GALNT13: variants seen among roughly 807,000 people sequenced by gnomAD.
The protein encoded by GALNT13 is UDP-GalNAc:polypeptide N-acetylgalactosaminyltransferase 13.
Under a neutral mutation model 64.2 loss-of-function variants are expected in GALNT13, and 28 were observed. That is an observed-to-expected ratio of 0.44 (90% CI 0.32 to 0.60). The LOEUF (loss-of-function observed/expected upper bound fraction) is 0.60. GALNT13 is among the 20% of genes least tolerant of loss of function. The pLI, the probability that GALNT13 is intolerant of heterozygous loss-of-function variation, is 0.05. For missense variants in GALNT13, 577 were observed against 669.8 expected (o/e 0.86, Z 1.53); for synonymous variants, 214 against 224.6 (o/e 0.95, Z 0.42).
chr2:154,398,213 G>A (rs1192706095), intron 10 of GALNT13, among the ~76,000 whole-genome samples: 5 of 152,074 alleles, frequency 3.3e-5, no homozygotes, highest in Non-Finnish European at 7.4e-5. Context: ...GTTGTCAGTG[G>A]ACCCAAATCA....
At chr2:153,345,828 C>T in the GALNT13 span, among the ~76,000 whole-genome samples, 7 of 148,840 alleles carry the variant, frequency 4.7e-5, no homozygotes, top group Non-Finnish European at 8.9e-5. Context: ...CAGGGTTTTG[C>T]CTTGTGGCCC....
intron 11 of GALNT13, among the ~76,000 whole-genome samples, chr2:154,426,315 C>G (rs62172355): frequency 0.052 from 7,975 of 152,270 alleles, 256 homozygotes; most frequent in Middle Eastern, 0.089. Context: ...CATCTTCAGG[C>G]CAGCAGGAGA....
intron 3 of GALNT13, among the ~76,000 whole-genome samples, chr2:154,033,150 A>AC (rs1698448320): frequency 6.6e-6 from 1 of 151,852 alleles, no homozygotes; most frequent in South Asian, 2.1e-4. Flanking sequence ...ATGAACATAG[A>AC]CCCATGATTC....
the GALNT13 span, among the ~76,000 whole-genome samples, chr2:153,371,564 A>G: frequency 6.6e-6 from 1 of 152,226 alleles, no homozygotes; most frequent in Non-Finnish European, 1.5e-5. Context: ...ATGATACCAT[A>G]ATAAACATGT....
At chr2:153,708,516 T>C in the GALNT13 span, among the ~76,000 whole-genome samples, 1 of 152,180 alleles carries the variant, frequency 6.6e-6, no homozygotes, top group East Asian at 1.9e-4. Flanking sequence ...CTTTAAACTT[T>C]ATCAGGTGAA....
At chr2:153,081,093 G>A in the GALNT13 span, among the ~76,000 whole-genome samples, 1 of 151,920 alleles carries the variant, frequency 6.6e-6, no homozygotes, top group African/African-American at 2.4e-5. Context: ...GATGATCTGA[G>A]ATGTTTGGTT....
the GALNT13 span, among the ~76,000 whole-genome samples, chr2:153,147,629 C>G: frequency 6.7e-5 from 10 of 149,994 alleles, no homozygotes; most frequent in Non-Finnish European, 1.0e-4. Flanking sequence ...TTACAGTGAT[C>G]CAGCAAAGTC....
chr2:153,686,355 C>A, the GALNT13 span, among the ~76,000 whole-genome samples: 1 of 151,992 alleles, frequency 6.6e-6, no homozygotes, highest in Non-Finnish European at 1.5e-5. Flanking sequence ...TTGAAGAGAA[C>A]TTTCACCTCC....
At chr2:154,061,151 T>C (rs1700160628) in intron 3 of GALNT13, among the ~76,000 whole-genome samples, 1 of 152,176 alleles carries the variant, frequency 6.6e-6, no homozygotes, top group Non-Finnish European at 1.5e-5. Context: ...TCACCTATTG[T>C]TAGCATTTTA....
chr2:154,065,650 A>G (rs1049818220), intron 3 of GALNT13, among the ~76,000 whole-genome samples: 4 of 152,204 alleles, frequency 2.6e-5, no homozygotes, highest in Non-Finnish European at 4.4e-5. Flanking sequence ...GAGCCATAGC[A>G]TTACTGGGTT....
the GALNT13 span, among the ~76,000 whole-genome samples, chr2:153,684,231 T>C: frequency 6.6e-6 from 1 of 151,796 alleles, no homozygotes; most frequent in Non-Finnish European, 1.5e-5. Context: ...TTATGACAAT[T>C]GTTGGTATGA....
At chr2:154,402,226 C>T (rs779042131) in intron 10 of GALNT13, among the ~76,000 whole-genome samples, 4 of 152,008 alleles carry the variant, frequency 2.6e-5, no homozygotes, top group Non-Finnish European at 5.9e-5. Flanking sequence ...GTTTTTAAAA[C>T]GGAAAGATTG....
At chr2:153,106,433 G>A in the GALNT13 span, among the ~76,000 whole-genome samples, 1 of 152,094 alleles carries the variant, frequency 6.6e-6, no homozygotes, top group Non-Finnish European at 1.5e-5. Context: ...TGAGTACCAT[G>A]CTTTCCATCA....
chr2:154,051,710 A>G lies in GALNT13; in HGVS notation c.143-88627A>G, dbSNP rs1245498341. ...TCTAAACCGAGTATAAATTCCCATT[A>G]GTACTACTGTTATTAAATGGAACAA... On this transcript the variant is annotated intron_variant, in intron 3 of 12. Transcript: ENST00000392825. 2.6e-5 allele frequency among the ~76,000 whole-genome samples: 4 copies of G among 152,236 alleles called. No individual in the cohort carries two copies. The East Asian group carries it at 7.7e-4, about 29-fold the overall frequency.
At chr2:153,639,531 TAGC>T in the GALNT13 span, among the ~76,000 whole-genome samples, 7 of 152,124 alleles carry the variant, frequency 4.6e-5, no homozygotes, top group Admixed American at 4.6e-4. Flanking sequence ...ACAAGAGTGA[TAGC>T]AGTGTGCAAG....
At chr2:153,494,703 G>C in the GALNT13 span, among the ~76,000 whole-genome samples, 1 of 151,912 alleles carries the variant, frequency 6.6e-6, no homozygotes, top group African/African-American at 2.4e-5. Flanking sequence ...TGTAGGCAAA[G>C]GTTTCTATGA....
intron 1 of GALNT13, among the ~76,000 whole-genome samples, chr2:153,899,925 A>T (rs888501963): frequency 3.4e-5 from 3 of 87,916 alleles, no homozygotes; most frequent in Non-Finnish European, 7.3e-5. Context: ...ACATATATAT[A>T]TATATATATA....
the GALNT13 span, among the ~76,000 whole-genome samples, chr2:153,724,104 G>C: frequency 8.0e-5 from 11 of 136,796 alleles, no homozygotes; most frequent in South Asian, 2.6e-3. Flanking sequence ...TACCAAAACA[G>C]ACATATAGAT....
chr2:153,112,578 A>G, the GALNT13 span, among the ~76,000 whole-genome samples: 2 of 152,242 alleles, frequency 1.3e-5, no homozygotes, highest in South Asian at 4.1e-4. Context: ...AATGGTGTAC[A>G]TAGATCCTGA....
Sources: gnomAD v4.1 joint callset for allele counts (sites outside exome capture counted in the v4.1 genomes callset) on GRCh38, gnomAD v4.1.1 for gene constraint, MANE v1.5 for transcripts, NCBI Gene and HGNC (gene_info 2026-07-23, HGNC 2026-07-21) for gene names.